The following PIEZO2 variants were observed in gnomAD, a reference collection of about 807,000 sequenced individuals.
The protein encoded by PIEZO2 is piezo type mechanosensitive ion channel component 2, also known as piezo-type mechanosensitive ion channel component 2.
Under a neutral mutation model 337.3 loss-of-function variants are expected in PIEZO2, and 172 were observed. That is an observed-to-expected ratio of 0.51 (90% CI 0.45 to 0.58). PIEZO2 has a LOEUF of 0.58. PIEZO2 is among the 20% of genes least tolerant of loss of function. PIEZO2 has a pLI of 0.00. For synonymous variants in PIEZO2, 1,251 were observed against 1,228.5 expected, an observed-to-expected ratio of 1.02 and a Z score of -0.38; for missense variants, 3,028 against 3,391.3, an observed-to-expected ratio of 0.89 and a Z score of 2.66.
chr18:10,807,408 T>C, intron 7 of PIEZO2, 134 bp from the exon 8 acceptor site: 1 of 740,116 alleles, frequency 1.4e-6, no homozygotes, highest in Non-Finnish European at 2.1e-6. Context: ...GATATTTCAA[T>C]TACCCTTCTG....
At chr18:11,071,025 A>G (rs957331102) in intron 1 of PIEZO2, among the ~76,000 whole-genome samples, 2 of 152,234 alleles carry the variant, frequency 1.3e-5, no homozygotes, top group African/African-American at 4.8e-5. Context: ...TCTAGAAGTC[A>G]GCGAGGAAAG....
At position 10,855,304 on chromosome 18, in the gene PIEZO2, G is replaced by T; in HGVS notation, c.917+49C>A. Reference sequence around the variant, plus strand: ...CACAATGCCAAACCAAGGTCCCAAAGGCGTGGGGGGACAACCTCTCCTGGA... The same window carrying T: ...CACAATGCCAAACCAAGGTCCCAAATGCGTGGGGGGACAACCTCTCCTGGA... On this transcript the variant is annotated intron_variant, in intron 7 of 55. Coordinates refer to ENST00000674853, the MANE Select transcript of PIEZO2 (RefSeq NM_001378183.1). The surrounding 1 kb of genome is among the most constrained non-coding windows in gnomAD (Gnocchi z 4.9). 4 of 1,452,894 alleles carry T rather than the reference G, an allele frequency of 2.8e-6. No homozygotes were observed. The highest frequency in any genetic ancestry group is 2.4e-5 in the South Asian group (2 of 81,824). The allele number at this position is 1,452,894 out of a possible 1,614,324, so 90.0% of individuals were successfully genotyped here.
At chr18:11,004,565 C>T (rs921564415) in intron 2 of PIEZO2, among the ~76,000 whole-genome samples, 13 of 152,174 alleles carry the variant, frequency 8.5e-5, no homozygotes, top group South Asian at 2.1e-4. Flanking sequence ...TAGTTTAGAA[C>T]GGATAAGGAA....
chr18:10,856,050 T>C lies in PIEZO2; in HGVS notation c.704-484A>G, dbSNP rs2041696152. Among the ~76,000 whole-genome samples, 1 of 152,112 alleles carries C rather than the reference T, an allele frequency of 6.6e-6. No individual in the cohort carries two copies. The highest frequency in any genetic ancestry group is 1.5e-5 in the Non-Finnish European group (1 of 68,022). On this transcript the variant is annotated intron_variant, in intron 6 of 55. Transcript: ENST00000674853. This position sits in a 1 kb window ranked among gnomAD's most constrained non-coding sequence, Gnocchi z 4.7. Reference sequence around the variant, plus strand: ...ACTGTGCCATGCTTATTTTATTTTATTTTGTTTTGTTTTATTTTATTTTAT... The same window carrying C: ...ACTGTGCCATGCTTATTTTATTTTACTTTGTTTTGTTTTATTTTATTTTAT...
intron 1 of PIEZO2, among the ~76,000 whole-genome samples, chr18:11,076,076 G>A (rs867715121): frequency 2.0e-4 from 31 of 152,054 alleles, no homozygotes; most frequent in Non-Finnish European, 1.2e-4. Flanking sequence ...GTGAGCCACC[G>A]TGCCCGGCCT....
At chr18:11,005,447 A>G (rs886745857) in intron 2 of PIEZO2, among the ~76,000 whole-genome samples, 9 of 152,228 alleles carry the variant, frequency 5.9e-5, no homozygotes, top group Admixed American at 5.9e-4. Flanking sequence ...ATGAACAGTT[A>G]CAGAAAGGAC....
chr18:11,120,499 CCTTGGT>C (rs1416074743), intron 1 of PIEZO2, among the ~76,000 whole-genome samples: 1 of 151,994 alleles, frequency 6.6e-6, no homozygotes, highest in Non-Finnish European at 1.5e-5. Context: ...TTACAAAGTG[CCTTGGT>C]AGGGGCAAAG....
At position 10,789,006 on chromosome 18, in the gene PIEZO2, A is replaced by C. The variant is rs2039321919; in HGVS notation, c.2169+73T>G. ...TGTTCATGAGATTCTAGTGATTTAA[A>C]ATCTCTGCAGAGGTAGCTCATGTAT... On this transcript the variant is annotated intron_variant, in intron 15 of 55. Coordinates refer to ENST00000674853, the MANE Select transcript of PIEZO2 (RefSeq NM_001378183.1). The C allele has an allele frequency of 3.5e-6, 5 of 1,418,976 alleles. No homozygotes were observed. In the African/African-American group the frequency reaches 4.3e-5, roughly 12 times the overall value. The allele number at this position is 1,418,976 out of a possible 1,614,324, so 87.9% of individuals were successfully genotyped here.
chr18:10,946,965 T>C (rs959336866), intron 3 of PIEZO2, among the ~76,000 whole-genome samples: 1 of 152,040 alleles, frequency 6.6e-6, no homozygotes, highest in African/African-American at 2.4e-5. Flanking sequence ...CCAGCAATTA[T>C]GAATTATCTT....
intron 39 of PIEZO2, among the ~76,000 whole-genome samples, chr18:10,714,232 A>G (rs2035926666): frequency 6.6e-6 from 1 of 152,206 alleles, no homozygotes; most frequent in African/African-American, 2.4e-5. Flanking sequence ...CCCCTGGCGA[A>G]CCCATTAGTA....
chr18:11,092,139 G>A lies in PIEZO2; in HGVS notation c.65-25917C>T, dbSNP rs2039111445. On this transcript the variant is annotated intron_variant, in intron 1 of 55. Coordinates refer to ENST00000674853, the MANE Select transcript of PIEZO2 (RefSeq NM_001378183.1). The surrounding 1 kb of genome is among the most constrained non-coding windows in gnomAD (Gnocchi z 4.5). ...TGTCTGCTACCTGACTATAGAAAGA[G>A]ATCTCAGGACAGAGATTAATGGAGC... 6.6e-6 allele frequency among the ~76,000 whole-genome samples: 1 copy of A among 152,214 alleles called. No individual in the cohort carries two copies. Among genetic ancestry groups the A allele is most frequent in the South Asian group, 2.1e-4 (1 of 4,822 alleles).
intron 3 of PIEZO2, among the ~76,000 whole-genome samples, chr18:10,916,265 C>G (rs1254123357): frequency 6.6e-6 from 1 of 152,174 alleles, no homozygotes; most frequent in Non-Finnish European, 1.5e-5. Context: ...CGCAGGCAGC[C>G]AGTCCCACGC....
intron 20 of PIEZO2, among the ~76,000 whole-genome samples, chr18:10,772,503 G>A (rs72636732): frequency 0.017 from 2,610 of 152,290 alleles, 157 homozygotes; most frequent in Admixed American, 0.099. Flanking sequence ...TGGAGAGAAC[G>A]TTTCCAGTCC....
chr18:11,114,516 A>C (rs2146163968), intron 1 of PIEZO2, among the ~76,000 whole-genome samples: 1 of 152,284 alleles, frequency 6.6e-6, no homozygotes, highest in African/African-American at 2.4e-5. Flanking sequence ...AAATACAAAA[A>C]CTAGCTGGTG....
At position 11,102,654 on chromosome 18, in the gene PIEZO2, G is replaced by A. The variant is rs1598963153; in HGVS notation, c.65-36432C>T. On this transcript the variant is annotated intron_variant, in intron 1 of 55. Transcript: ENST00000674853. The surrounding 1 kb of genome is among the most constrained non-coding windows in gnomAD (Gnocchi z 5.7). ...TTTGGAGCACCCCACTTCCCATTGG[G>A]CCCCCAGTGATCTGTCTCCAGAGGG... Among the ~76,000 whole-genome samples, 2 of 152,228 alleles carry A rather than the reference G, an allele frequency of 1.3e-5. No individual in the cohort carries two copies. The highest frequency in any genetic ancestry group is 4.1e-4 in the South Asian group (2 of 4,826).
chr18:10,690,131 G>A (rs1479260689), intron 48 of PIEZO2, among the ~76,000 whole-genome samples: 1 of 152,172 alleles, frequency 6.6e-6, no homozygotes, highest in Non-Finnish European at 1.5e-5. Context: ...GCCATGCGGT[G>A]CTGAATGACT....
In PIEZO2 at chr18:11,127,016, G is replaced by C. The variant is rs1875286537; in HGVS notation, c.64+21509C>G. Among the ~76,000 whole-genome samples, 1 of 152,208 alleles carries C rather than the reference G, an allele frequency of 6.6e-6. No individual in the cohort carries two copies. Reference sequence around the variant, plus strand: ...TGTGGGTACAGCAGGGAATAAGACAGAGAGTGGGAGCTTGTTTTCCTGGAA... The same window carrying C: ...TGTGGGTACAGCAGGGAATAAGACACAGAGTGGGAGCTTGTTTTCCTGGAA... On this transcript the variant is annotated intron_variant, in intron 1 of 55. Transcript: ENST00000674853. The surrounding 1 kb of genome is among the most constrained non-coding windows in gnomAD (Gnocchi z 4.5).
Position 10,752,832 on chromosome 18 carries a change from C to G in PIEZO2, c.3971G>C (p.Trp1324Ser). ...SKVIIFSYLF[W>S]FVLTIIFITG... ...GATGAAGATGATGGTGAGCACAAAC[C>G]AGAAGAGGTAGCTGAAGATGATCAC... The change falls in exon 28 of 56, where the codon TGG (tryptophan) becomes TCG (serine). Residue 1324 changes from tryptophan to serine, a missense_variant. Physicochemically the swap from Trp to Ser is radical, Grantham distance 177. This residue lies in a region of PIEZO2 where 1,925 missense variants were observed against 2,051.9 expected (regional missense o/e 0.94). Transcript: ENST00000674853. The G allele has an allele frequency of 6.5e-7, 1 of 1,537,072 alleles. No homozygotes were observed. The highest frequency in any genetic ancestry group is 2.4e-5 in the East Asian group (1 of 40,914).
intron 3 of PIEZO2, among the ~76,000 whole-genome samples, chr18:10,968,105 C>T (rs1224070050): frequency 6.6e-6 from 1 of 152,060 alleles, no homozygotes; most frequent in African/African-American, 2.4e-5. Context: ...GTCTTTGATC[C>T]ATTTTGAGTT....
Sources: allele counts gnomAD v4.1 joint callset (sites outside exome capture counted in the v4.1 genomes callset), GRCh38; gene constraint gnomAD v4.1.1; regional missense constraint gnomAD v4.1.1; non-coding constraint Gnocchi (gnomAD v3.1); transcripts MANE v1.5; gene names NCBI Gene and HGNC (gene_info 2026-07-23, HGNC 2026-07-21).